Variants in GPHN observed in about 807,000 individuals in gnomAD.
GPHN encodes the protein gephyrin.
GPHN carries 17 observed loss-of-function variants against 95.5 expected under a neutral mutation model. That is an observed-to-expected ratio of 0.18 (90% CI 0.12 to 0.27). The LOEUF (loss-of-function observed/expected upper bound fraction) is 0.27, where lower values mean the gene tolerates loss of function less well. Ranked by LOEUF, GPHN falls within the 10% of genes least tolerant of loss-of-function variation. The probability of loss-of-function intolerance (pLI) is 1.00; values close to 1 mark genes in which losing one functional copy is unlikely to be tolerated. For missense variants in GPHN, 660 were observed against 978.1 expected (o/e 0.67, Z 4.34); for synonymous variants, 320 against 322.5 (o/e 0.99, Z 0.08).
the GPHN span, chr14:67,690,145 C>T: frequency 1.6e-5 from 23 of 1,428,694 alleles, no homozygotes; most frequent in Non-Finnish European, 2.3e-5. Flanking sequence ...GAAACAGTTT[C>T]CATTCCTGTG....
chr14:67,577,326 T>C, the GPHN span: 1 of 1,576,612 alleles, frequency 6.3e-7, no homozygotes, highest in African/African-American at 1.4e-5. Context: ...AGGCACCCCA[T>C]GCTGTGCTAC....
At chr14:66,671,249 G>A (rs573095223) in intron 1 of GPHN, among the ~76,000 whole-genome samples, 12 of 152,266 alleles carry the variant, frequency 7.9e-5, no homozygotes, top group South Asian at 4.1e-4. Flanking sequence ...GCCTTTGAGC[G>A]TGTCATTGCA....
intron 2 of GPHN, among the ~76,000 whole-genome samples, chr14:66,764,552 T>C (rs189201078): frequency 3.8e-4 from 58 of 151,916 alleles, no homozygotes; most frequent in African/African-American, 1.2e-3. Flanking sequence ...GATTCTGATC[T>C]AGGTAAACTG....
chr14:67,096,616 C>CT (rs200466980), intron 12 of GPHN, among the ~76,000 whole-genome samples: 4,004 of 134,678 alleles, frequency 0.03, 70 homozygotes, highest in Middle Eastern at 0.035. Context: ...TCAAAGCAGT[C>CT]TTTTTTTTTT....
chr14:67,538,320 G>A, the GPHN span, among the ~76,000 whole-genome samples: 1 of 152,192 alleles, frequency 6.6e-6, no homozygotes, highest in Non-Finnish European at 1.5e-5. Context: ...CTACTCCTTA[G>A]CTCTATGCAA....
At chr14:66,634,023 A>C (rs2063968509) in intron 1 of GPHN, among the ~76,000 whole-genome samples, 1 of 150,240 alleles carries the variant, frequency 6.7e-6, no homozygotes, top group Admixed American at 6.6e-5. Flanking sequence ...TCCTGGTTTT[A>C]AAATTATTTA....
chr14:67,332,184 G>A, the GPHN span, among the ~76,000 whole-genome samples: 1 of 152,126 alleles, frequency 6.6e-6, no homozygotes, highest in East Asian at 1.9e-4. Context: ...ATAATTAGAG[G>A]GTTCAGGATA....
chr14:67,547,984 C>T, the GPHN span, among the ~76,000 whole-genome samples: 1 of 152,182 alleles, frequency 6.6e-6, no homozygotes, highest in Non-Finnish European at 1.5e-5. Flanking sequence ...TGGGCCACCC[C>T]ATTCTGGAGC....
At chr14:67,199,406 C>T in the GPHN span, 13 of 1,613,770 alleles carry the variant, frequency 8.1e-6, no homozygotes, top group South Asian at 1.2e-4. Flanking sequence ...TGAGAAGTTG[C>T]TTTATGATAC....
chr14:67,104,596 A>T (rs1288754831), intron 13 of GPHN, among the ~76,000 whole-genome samples: 1 of 152,094 alleles, frequency 6.6e-6, no homozygotes, highest in Non-Finnish European at 1.5e-5. Context: ...GATTGTATGT[A>T]TTGAGGAATT....
chr14:66,772,987 T>TC lies in GPHN; in HGVS notation c.144-3472dup, dbSNP rs543292841. 6.0e-3 allele frequency among the ~76,000 whole-genome samples: 912 copies of TC among 152,256 alleles called. 10 individuals carry two copies. The highest frequency in any genetic ancestry group is 0.021 in the African/African-American group (890 of 41,542). ...CCCTTGAAATCACAGGACTTTTTTT[T>TC]CCCCCTTCTTCCTTTACTTCCTTCA... On this transcript the variant is annotated intron_variant, in intron 2 of 22. Coordinates refer to ENST00000478722, the MANE Select transcript of GPHN (RefSeq NM_020806.5).
At chr14:67,215,929 A>T in the GPHN span, among the ~76,000 whole-genome samples, 1 of 152,192 alleles carries the variant, frequency 6.6e-6, no homozygotes, top group Admixed American at 6.5e-5. Flanking sequence ...CCCAAAACAA[A>T]TGCCCTAAAC....
intron 1 of GPHN, among the ~76,000 whole-genome samples, chr14:66,627,539 T>C (rs925460147): frequency 6.6e-6 from 1 of 152,062 alleles, no homozygotes; most frequent in Non-Finnish European, 1.5e-5. Context: ...GAATCATGAA[T>C]AGGTGAAAAT....
the GPHN span, among the ~76,000 whole-genome samples, chr14:67,445,408 G>C: frequency 6.6e-6 from 1 of 151,802 alleles, no homozygotes; most frequent in African/African-American, 2.4e-5. Flanking sequence ...TGAACTGGGG[G>C]ACACCCAGTT....
chr14:66,782,773 C>T (rs2059650419), intron 3 of GPHN, among the ~76,000 whole-genome samples: 1 of 152,106 alleles, frequency 6.6e-6, no homozygotes, highest in Admixed American at 6.5e-5. Context: ...GTGGAGGATG[C>T]AGTGAGCTGA....
chr14:67,733,452 T>G, the GPHN span, among the ~76,000 whole-genome samples: 2 of 152,252 alleles, frequency 1.3e-5, no homozygotes, highest in African/African-American at 4.8e-5. Flanking sequence ...CACATTGCAG[T>G]TGTTGCAGAT....
chr14:66,670,121 G>A (rs969812434), intron 1 of GPHN, among the ~76,000 whole-genome samples: 3 of 152,106 alleles, frequency 2.0e-5, no homozygotes, highest in Non-Finnish European at 4.4e-5. Flanking sequence ...CTACCTCTTT[G>A]CTCCAAGGTT....
intron 9 of GPHN, among the ~76,000 whole-genome samples, chr14:66,979,446 ATCT>A (rs1311761390): frequency 6.6e-6 from 1 of 152,216 alleles, no homozygotes; most frequent in Non-Finnish European, 1.5e-5. Context: ...TTATAGAGAC[ATCT>A]TCTTTCCTTA....
At chr14:67,727,260 A>T in the GPHN span, 1 of 1,229,678 alleles carries the variant, frequency 8.1e-7, no homozygotes, top group Non-Finnish European at 1.2e-6. Flanking sequence ...GCAACTTGGG[A>T]AGTCAGGCTG....
Sources: gnomAD v4.1 joint callset for allele counts (sites outside exome capture counted in the v4.1 genomes callset) on GRCh38, gnomAD v4.1.1 for gene constraint, MANE v1.5 for transcripts, NCBI Gene and HGNC (gene_info 2026-07-23, HGNC 2026-07-21) for gene names.